LARP4B: variants seen among roughly 807,000 people sequenced by gnomAD.
The protein encoded by LARP4B is La ribonucleoprotein 4B.
A neutral mutation model predicts 89.8 loss-of-function variants in LARP4B; 12 were observed. The ratio of observed to expected loss-of-function variants is 0.13; its 90% CI spans 0.09 to 0.22. LARP4B has a LOEUF of 0.22. Among genes scored for constraint, LARP4B ranks in the 10% least tolerant of loss-of-function variants. LARP4B has a pLI of 1.00. For synonymous variants in LARP4B, 367 were observed against 363.3 expected, an observed-to-expected ratio of 1.01 and a Z score of -0.12; for missense variants, 757 against 947.7, an observed-to-expected ratio of 0.80 and a Z score of 2.64.
chr10:918,197 T>C (rs1836879143), intron 1 of LARP4B, among the ~76,000 whole-genome samples: 1 of 152,236 alleles, frequency 6.6e-6, no homozygotes, highest in South Asian at 2.1e-4. Context: ...AGCACCGTCA[T>C]ACATCATCCC....
chr10:842,821 G>A, intron 7 of LARP4B, 111 bp downstream of exon 7: 1 of 942,980 alleles, frequency 1.1e-6, no homozygotes, highest in Non-Finnish European at 1.6e-6. Context: ...AAAAGAATCT[G>A]ATTCGCCATC....
intron 1 of LARP4B, among the ~76,000 whole-genome samples, chr10:896,172 G>A (rs939273849): frequency 6.6e-6 from 1 of 152,360 alleles, no homozygotes; most frequent in South Asian, 2.1e-4. Flanking sequence ...TAAGATAATG[G>A]TTCTCAATGT....
At chr10:885,558 T>C (rs1248637918) in intron 2 of LARP4B, 83 bp downstream of exon 2, 1 of 945,824 alleles carries the variant, frequency 1.1e-6, no homozygotes, top group Non-Finnish European at 1.6e-6. Flanking sequence ...TGTTCCTGTT[T>C]AGAACTCCTT....
chr10:969,645 G>A, the LARP4B span, among the ~76,000 whole-genome samples: 1 of 152,090 alleles, frequency 6.6e-6, no homozygotes, highest in Non-Finnish European at 1.5e-5. Context: ...CACAAGAATT[G>A]CTTGAACCAG....
At chr10:866,064 A>C (rs1834883820) in intron 3 of LARP4B, among the ~76,000 whole-genome samples, 1 of 152,208 alleles carries the variant, frequency 6.6e-6, no homozygotes, top group South Asian at 2.1e-4. Flanking sequence ...GGTAGTAAAA[A>C]ACATGAAACT....
intron 3 of LARP4B, among the ~76,000 whole-genome samples, chr10:878,113 A>G (rs1199157657): frequency 6.6e-6 from 1 of 152,204 alleles, no homozygotes; most frequent in African/African-American, 2.4e-5. Flanking sequence ...GTCAAGGGTC[A>G]AGAGCCCACT....
chr10:885,401 A>C (rs1387470371), intron 2 of LARP4B, among the ~76,000 whole-genome samples: 1 of 152,156 alleles, frequency 6.6e-6, no homozygotes, highest in Non-Finnish European at 1.5e-5. Context: ...TGTCACATAC[A>C]ACTTATTACT....
the LARP4B span, among the ~76,000 whole-genome samples, chr10:975,108 T>G: frequency 6.6e-6 from 1 of 152,222 alleles, no homozygotes; most frequent in African/African-American, 2.4e-5. Context: ...TCAGAGGAAG[T>G]CACTTACATA....
At chr10:973,637 C>T in the LARP4B span, among the ~76,000 whole-genome samples, 1 of 152,128 alleles carries the variant, frequency 6.6e-6, no homozygotes, top group Non-Finnish European at 1.5e-5. Context: ...AGGTGTGAGC[C>T]ACTGCGCCTG....
At chr10:825,350 T>C (rs1203979400) in intron 12 of LARP4B, 34 bp from the exon 13 acceptor site, 10 of 1,604,600 alleles carry the variant, frequency 6.2e-6, no homozygotes, top group East Asian at 2.2e-5. Context: ...TGTTGAGTTA[T>C]AAAATGATCA....
intron 1 of LARP4B, among the ~76,000 whole-genome samples, chr10:888,321 AAAAC>A (rs901939429): frequency 8.7e-5 from 13 of 148,636 alleles, no homozygotes; most frequent in African/African-American, 1.7e-4. Flanking sequence ...GACTGTCTCA[AAAAC>A]AAACAAACAA....
At chr10:983,683 A>G in the LARP4B span, among the ~76,000 whole-genome samples, 4 of 152,208 alleles carry the variant, frequency 2.6e-5, no homozygotes, top group African/African-American at 9.6e-5. Context: ...TCTGAACCGA[A>G]TTACCTCCCC....
At chr10:985,008 C>G in the LARP4B span, among the ~76,000 whole-genome samples, 2 of 152,196 alleles carry the variant, frequency 1.3e-5, no homozygotes, top group African/African-American at 4.8e-5. Flanking sequence ...CCACTCTCGG[C>G]TGGCAGTGCA....
At chr10:939,923 G>C in the LARP4B span, among the ~76,000 whole-genome samples, 1 of 152,276 alleles carries the variant, frequency 6.6e-6, no homozygotes, top group African/African-American at 2.4e-5. Context: ...TCAGCTCACT[G>C]CAACCTCCAC....
intron 3 of LARP4B, among the ~76,000 whole-genome samples, chr10:883,892 ACT>A (rs968842821): frequency 5.9e-5 from 9 of 152,288 alleles, no homozygotes; most frequent in African/African-American, 2.2e-4. Flanking sequence ...AAATATTTTT[ACT>A]TTTTAAATTT....
rs1488172742 is a variant in LARP4B at position 884,498 on chromosome 10, A to G, written c.90T>C (p.Gly30=). 3.1e-6 allele frequency: 5 copies of G among 1,599,298 alleles called. No individual in the cohort carries two copies. The highest frequency in any genetic ancestry group is 4.3e-6 in the Non-Finnish European group (5 of 1,166,802). Residue 30 remains glycine (G), a synonymous_variant, in exon 3 of 18, where the codon GGT becomes GGC. Transcript: ENST00000316157. ...EGKDSAHLMN[G]PISQTTSQTS... Reference sequence around the variant, plus strand: ...TCTGAGAAGTGGTTTGAGATATAGGACCATTCATCTGTAAAATTGAAAACA... The same window carrying G: ...TCTGAGAAGTGGTTTGAGATATAGGGCCATTCATCTGTAAAATTGAAAACA...
the LARP4B span, among the ~76,000 whole-genome samples, chr10:970,386 C>G: frequency 6.6e-6 from 1 of 152,162 alleles, no homozygotes; most frequent in Non-Finnish European, 1.5e-5. Context: ...GGGAAAATTC[C>G]ATGATGGGTG....
the LARP4B span, among the ~76,000 whole-genome samples, chr10:947,739 A>G: frequency 6.6e-6 from 1 of 152,110 alleles, no homozygotes; most frequent in African/African-American, 2.4e-5. Context: ...CTCCTGCCTC[A>G]GCCTCCCAAG....
chr10:888,130 G>GCCA lies in LARP4B; in HGVS notation c.-39-2373_-39-2371dup, dbSNP rs753180973. On this transcript the variant is annotated intron_variant, in intron 1 of 17. Coordinates refer to ENST00000316157, the MANE Select transcript of LARP4B (RefSeq NM_015155.3). Reference sequence around the variant, plus strand: ...AGGCCAGGAGTTCGAGACCAGCCTGGCCAACATGGCGAAACCCCATCTCTA... The same window carrying GCCA: ...AGGCCAGGAGTTCGAGACCAGCCTGGCCACCAACATGGCGAAACCCCATCTCTA... Among the ~76,000 whole-genome samples the GCCA allele has an allele frequency of 6.6e-5, 10 of 152,114 alleles. No homozygotes were observed. In the East Asian group the frequency reaches 1.5e-3, roughly 24 times the overall value.
Sources: gnomAD v4.1 joint callset for allele counts (sites outside exome capture counted in the v4.1 genomes callset) on GRCh38, gnomAD v4.1.1 for gene constraint, MANE v1.5 for transcripts, NCBI Gene and HGNC (gene_info 2026-07-23, HGNC 2026-07-21) for gene names.